FAM110B: variants seen among roughly 807,000 people sequenced by gnomAD.
FAM110B encodes the protein family with sequence similarity 110 member B, also known as protein FAM110B.
In FAM110B, 6 loss-of-function variants were observed where a neutral mutation model predicts 20.4. The ratio of observed to expected loss-of-function variants is 0.29; its 90% CI spans 0.16 to 0.58. The LOEUF is 0.58. Among genes scored for constraint, FAM110B ranks in the 20% least tolerant of loss-of-function variants. FAM110B has a pLI of 0.90. For missense variants in FAM110B, 434 were observed against 498.2 expected (o/e 0.87, Z 1.23); for synonymous variants, 226 against 214.1 (o/e 1.06, Z -0.49).
At chr8:58,098,369 T>C (rs1233366632) in intron 3 of FAM110B, among the ~76,000 whole-genome samples, 1 of 152,192 alleles carries the variant, frequency 6.6e-6, no homozygotes, top group Admixed American at 6.5e-5. Flanking sequence ...TATTCACGCT[T>C]CAGTAATGAC....
At chr8:58,083,723 C>A (rs1016892740) in intron 3 of FAM110B, among the ~76,000 whole-genome samples, 2 of 152,192 alleles carry the variant, frequency 1.3e-5, no homozygotes, top group Admixed American at 1.3e-4. Context: ...TTAATTCTCT[C>A]ATCATTTGCT....
At chr8:58,104,518 T>G (rs1040223432) in intron 3 of FAM110B, among the ~76,000 whole-genome samples, 4 of 152,146 alleles carry the variant, frequency 2.6e-5, no homozygotes, top group Non-Finnish European at 5.9e-5. Flanking sequence ...TGAAATAAAT[T>G]GTAAATATTA....
intron 3 of FAM110B, among the ~76,000 whole-genome samples, chr8:58,112,853 G>C (rs1240559696): frequency 6.6e-6 from 1 of 152,190 alleles, no homozygotes; most frequent in African/African-American, 2.4e-5. Flanking sequence ...AAGGACTAAG[G>C]ACTTAAGGGC....
chr8:58,086,078 G>A (rs1806325012), intron 3 of FAM110B, among the ~76,000 whole-genome samples: 1 of 152,124 alleles, frequency 6.6e-6, no homozygotes, highest in Non-Finnish European at 1.5e-5. Context: ...AATAAATGTG[G>A]CTAAAATGAA....
chr8:58,092,406 C>A (rs56171966), intron 3 of FAM110B, among the ~76,000 whole-genome samples: 18,585 of 152,086 alleles, frequency 0.12, 2,725 homozygotes, highest in African/African-American at 0.35. Flanking sequence ...ACCCCCTACC[C>A]CCCGACAGGC....
At chr8:58,097,441 A>G (rs145278534) in intron 3 of FAM110B, among the ~76,000 whole-genome samples, 2,937 of 152,298 alleles carry the variant, frequency 0.019, 50 homozygotes, top group South Asian at 0.094. Context: ...TTATCAATTC[A>G]GCTAACCTTT....
rs150605371 is a variant in FAM110B at position 58,132,780 on chromosome 8, C to T, written c.-324-13127C>T. On this transcript the variant is annotated intron_variant, in intron 3 of 3. Transcript: ENST00000519262. ...TAAGAGATCATGAGGCACCAAATAT[C>T]AGCAACTACCTTATACTGCAAGCAA... is the stretch of plus-strand genomic sequence containing the variant. 4.1e-3 allele frequency among the ~76,000 whole-genome samples: 626 copies of T among 152,358 alleles called. 13 individuals carry two copies. The highest frequency in any genetic ancestry group is 0.035 in the Admixed American group (541 of 15,304).
intron 1 of FAM110B, among the ~76,000 whole-genome samples, chr8:58,006,923 A>ATATATATATATATTTTTTTTTTTTTT: frequency 1.6e-5 from 2 of 126,534 alleles, no homozygotes; most frequent in Non-Finnish European, 3.3e-5. Context: ...ATATATATAT[A>ATATATATATATATTTTTTTTTTTTTT]TTTTTCCAAA....
chr8:58,133,746 T>A (rs1386546891), intron 3 of FAM110B, among the ~76,000 whole-genome samples: 1 of 152,126 alleles, frequency 6.6e-6, no homozygotes, highest in African/African-American at 2.4e-5. Context: ...CTGACACCAG[T>A]CTCTCCTCTC....
rs561053214 is a variant in FAM110B, at chr8:58,030,817, TC to T, written c.-511-788del. Among the ~76,000 whole-genome samples, 31 of 152,300 alleles carry T rather than the reference TC, an allele frequency of 2.0e-4. No individual in the cohort carries two copies. In the East Asian group the frequency reaches 6.0e-3, roughly 29 times the overall value. On this transcript the variant is annotated intron_variant, in intron 1 of 3. Coordinates refer to ENST00000519262, the MANE Select transcript of FAM110B (RefSeq NM_001377989.1). ...GGTTAAGATTTTCAACACAGTATTTTCTTTAGCATTGCCAGCTGTCCCGATA... is the reference window on the plus strand; with the variant it reads ...GGTTAAGATTTTCAACACAGTATTTTTTTAGCATTGCCAGCTGTCCCGATA...
intron 1 of FAM110B, among the ~76,000 whole-genome samples, chr8:57,998,364 C>T (rs1457607819): frequency 6.6e-6 from 1 of 152,184 alleles, no homozygotes; most frequent in African/African-American, 2.4e-5. Context: ...GAGAGCAGCA[C>T]AGCTCCCCCT....
intron 3 of FAM110B, among the ~76,000 whole-genome samples, chr8:58,084,334 T>C (rs1322569040): frequency 6.6e-6 from 1 of 152,130 alleles, no homozygotes; most frequent in Non-Finnish European, 1.5e-5. Flanking sequence ...ATTTATGTGG[T>C]TCTATAAAAT....
Position 58,008,384 on chromosome 8 carries a change from C to T in FAM110B, c.-512+13578C>T, listed in dbSNP as rs184629325. On this transcript the variant is annotated intron_variant, in intron 1 of 3. Transcript: ENST00000519262. The stretch of plus-strand genomic sequence containing the variant: ...CTGACCTCCAGTGATCCACCCTCCT[C>T]GGCCTCTCAAAGTACTGGGATTACA... 2.4e-3 allele frequency among the ~76,000 whole-genome samples: 372 copies of T among 152,226 alleles called. 3 individuals are homozygous for T. Among genetic ancestry groups the T allele is most frequent in the African/African-American group, 8.4e-3 (351 of 41,550 alleles).
At chr8:58,024,976 A>G (rs1326305854) in intron 1 of FAM110B, among the ~76,000 whole-genome samples, 3 of 152,218 alleles carry the variant, frequency 2.0e-5, no homozygotes, top group Non-Finnish European at 4.4e-5. Context: ...GCCTGGGCTT[A>G]CACTATATCT....
At chr8:58,081,314 C>T (rs1321110955) in intron 3 of FAM110B, among the ~76,000 whole-genome samples, 2 of 152,220 alleles carry the variant, frequency 1.3e-5, no homozygotes, top group Admixed American at 1.3e-4. Context: ...TCATGCGATT[C>T]TCCTGCCTCA....
intron 2 of FAM110B, among the ~76,000 whole-genome samples, chr8:58,041,240 G>A (rs990035182): frequency 1.1e-4 from 16 of 152,188 alleles, no homozygotes; most frequent in East Asian, 3.9e-4. Flanking sequence ...GCGCGCAGCC[G>A]AAAATGGGAA....
At chr8:58,070,772 A>G (rs1484401288) in intron 2 of FAM110B, among the ~76,000 whole-genome samples, 1 of 152,212 alleles carries the variant, frequency 6.6e-6, no homozygotes, top group Non-Finnish European at 1.5e-5. Context: ...ATTTAGTGAA[A>G]CACACTCTAA....
intron 3 of FAM110B, among the ~76,000 whole-genome samples, chr8:58,087,114 CCTA>C (rs1806358319): frequency 6.6e-6 from 1 of 152,192 alleles, no homozygotes; most frequent in Admixed American, 6.5e-5. Flanking sequence ...TAAATATTTT[CCTA>C]CTATTTAGAA....
intron 1 of FAM110B, among the ~76,000 whole-genome samples, chr8:58,011,992 A>G (rs994267683): frequency 6.6e-6 from 1 of 152,186 alleles, no homozygotes; most frequent in Non-Finnish European, 1.5e-5. Flanking sequence ...GCCACACGAC[A>G]TCTCACTGTA....
Sources: allele counts gnomAD v4.1 joint callset (sites outside exome capture counted in the v4.1 genomes callset), GRCh38; gene constraint gnomAD v4.1.1; transcripts MANE v1.5; gene names NCBI Gene and HGNC (gene_info 2026-07-23, HGNC 2026-07-21).